PDE4D: variants seen among roughly 807,000 people sequenced by gnomAD.
The protein encoded by PDE4D is phosphodiesterase 4D.
In PDE4D, 24 loss-of-function variants were observed where a neutral mutation model predicts 87.4. The observed-to-expected ratio is 0.27, with a 90% CI of 0.20 to 0.39. The LOEUF is 0.39. Among genes scored for constraint, PDE4D ranks in the 10% least tolerant of loss-of-function variants. The pLI, the probability that PDE4D is intolerant of heterozygous loss-of-function variation, is 1.00. For synonymous variants in PDE4D, 384 were observed against 383.2 expected, an observed-to-expected ratio of 1.00 and a Z score of -0.02; for missense variants, 714 against 1,041.0, an observed-to-expected ratio of 0.69 and a Z score of 4.32.
intron 5 of PDE4D, chr5:59,164,909 ACGG>A (rs1781690907): frequency 6.6e-6 from 1 of 152,108 alleles, no homozygotes; most frequent in Non-Finnish European, 1.5e-5. Context: ...GCCACACGTC[ACGG>A]CGTCTTGTAT....
At chr5:59,371,476 G>A (rs1291945263) in intron 1 of PDE4D, among the ~76,000 whole-genome samples, 2 of 152,090 alleles carry the variant, frequency 1.3e-5, no homozygotes, top group Admixed American at 6.5e-5. Flanking sequence ...TGGCATATAT[G>A]TACTATTTGC....
intron 1 of PDE4D, among the ~76,000 whole-genome samples, chr5:60,368,333 A>G (rs983977840): frequency 1.3e-5 from 2 of 152,188 alleles, no homozygotes; most frequent in African/African-American, 2.4e-5. Flanking sequence ...CTGTGCATGA[A>G]ATGGCTGAAT....
At chr5:59,039,596 A>C in intron 5 of PDE4D, 1 of 823,642 alleles carries the variant, frequency 1.2e-6, no homozygotes, top group Non-Finnish European at 1.5e-6. Context: ...ACTCCCCCTC[A>C]CGCCCCTCTC....
At chr5:59,675,110 G>T (rs991217644) in intron 1 of PDE4D, among the ~76,000 whole-genome samples, 3 of 152,094 alleles carry the variant, frequency 2.0e-5, no homozygotes, top group African/African-American at 7.2e-5. Context: ...TATTCCAAAA[G>T]CATTTTATTT....
At chr5:59,495,491 T>A (rs552943081) in intron 1 of PDE4D, among the ~76,000 whole-genome samples, 3 of 152,242 alleles carry the variant, frequency 2.0e-5, no homozygotes, top group Admixed American at 2.0e-4. Context: ...GGGATCAAGA[T>A]GGCTGAGCAG....
At position 60,216,697 on chromosome 5, in the gene PDE4D, G is replaced by A. The variant is rs76746409; in HGVS notation, c.-89-31010C>T. Among the ~76,000 whole-genome samples the A allele has an allele frequency of 1.6e-4, 25 of 152,102 alleles. No individual in the cohort carries two copies. In the East Asian group the frequency reaches 4.6e-3, roughly 28 times the overall value. Reference sequence around the variant, plus strand: ...AATCAAAAAAACTGCAAGAGACAAAGAAAGACATATTACATATTAGTAACA... The same window carrying A: ...AATCAAAAAAACTGCAAGAGACAAAAAAAGACATATTACATATTAGTAACA... On this transcript the variant is annotated intron_variant, in intron 1 of 16. Transcript: ENST00000502484.
At position 59,310,479 on chromosome 5, in the gene PDE4D, A is replaced by C. The variant is rs570851036; in HGVS notation, c.456-94511T>G. ...CTCTTGAGGTCATTTGTTTGTCTCCATAGGGCATCTGTATGTGGTCCATTA... is the reference window on the plus strand; with the variant it reads ...CTCTTGAGGTCATTTGTTTGTCTCCCTAGGGCATCTGTATGTGGTCCATTA... On this transcript the variant is annotated intron_variant, in intron 1 of 14. Transcript: ENST00000340635. Among the ~76,000 whole-genome samples the C allele has an allele frequency of 2.6e-5, 4 of 152,256 alleles. No homozygotes were observed. In the South Asian group the frequency reaches 8.3e-4, roughly 32 times the overall value.
intron 1 of PDE4D, among the ~76,000 whole-genome samples, chr5:60,384,133 G>C (rs1002821205): frequency 2.0e-5 from 3 of 152,112 alleles, no homozygotes; most frequent in African/African-American, 7.2e-5. Flanking sequence ...AACAGAAATA[G>C]GGACCAACTT....
intron 1 of PDE4D, among the ~76,000 whole-genome samples, chr5:59,337,337 C>CTT (rs1232280356): frequency 1.7e-4 from 22 of 133,030 alleles, no homozygotes; most frequent in African/African-American, 5.0e-4. Flanking sequence ...CCCCCCCCAC[C>CTT]TTTTTTTTTT....
chr5:60,517,527 C>G (rs758229616), intron 1 of PDE4D, among the ~76,000 whole-genome samples: 28 of 152,220 alleles, frequency 1.8e-4, no homozygotes, highest in Non-Finnish European at 3.5e-4. Flanking sequence ...CTCAGCCAGA[C>G]TGGGCAGAGG....
intron 2 of PDE4D, among the ~76,000 whole-genome samples, chr5:60,059,877 C>T (rs1771201997): frequency 6.6e-6 from 1 of 151,952 alleles, no homozygotes; most frequent in Admixed American, 6.6e-5. Context: ...CATCATCTGG[C>T]ATGTTCTGAT....
At chr5:59,055,832 T>G (rs779900958) in intron 5 of PDE4D, among the ~76,000 whole-genome samples, 2 of 152,220 alleles carry the variant, frequency 1.3e-5, no homozygotes, top group Non-Finnish European at 2.9e-5. Context: ...AACTTTAGCT[T>G]GATTCATCAC....
chr5:60,460,227 T>C (rs1746818093), intron 1 of PDE4D: 2 of 1,409,550 alleles, frequency 1.4e-6, no homozygotes, highest in Non-Finnish European at 2.0e-6. Context: ...CAGATTTCCA[T>C]TTCATTTCAG....
At chr5:59,798,587 G>GA (rs773366135) in intron 1 of PDE4D, among the ~76,000 whole-genome samples, 1 of 152,042 alleles carries the variant, frequency 6.6e-6, no homozygotes, top group East Asian at 1.9e-4. Context: ...AGGAATGAAA[G>GA]AAAAAACCCA....
At chr5:59,090,677 C>A (rs1004173896) in intron 5 of PDE4D, among the ~76,000 whole-genome samples, 1 of 151,820 alleles carries the variant, frequency 6.6e-6, no homozygotes, top group Non-Finnish European at 1.5e-5. Flanking sequence ...GGGTAGGAAA[C>A]AGCAACAACA....
chr5:59,096,145 A>G (rs944719467), intron 5 of PDE4D, among the ~76,000 whole-genome samples: 1 of 152,176 alleles, frequency 6.6e-6, no homozygotes, highest in Non-Finnish European at 1.5e-5. Flanking sequence ...GCTGGGGAAG[A>G]TGAGGATGAG....
rs191615612 is a variant in PDE4D at position 59,277,539 on chromosome 5, A to G, written c.456-61571T>C. On this transcript the variant is annotated intron_variant, in intron 1 of 14. Coordinates refer to ENST00000340635, the MANE Select transcript of PDE4D (RefSeq NM_001104631.2). Reference sequence around the variant, plus strand: ...TTCTTATTGGAATTTAAATGTGGGAAAAGAAAGAACAAAAGCAAACCAAGT... The same window carrying G: ...TTCTTATTGGAATTTAAATGTGGGAGAAGAAAGAACAAAAGCAAACCAAGT... 1.8e-3 allele frequency among the ~76,000 whole-genome samples: 275 copies of G among 152,276 alleles called. 1 individual carries two copies. Among genetic ancestry groups the G allele is most frequent in the African/African-American group, 6.3e-3 (262 of 41,558 alleles).
chr5:59,102,081 C>CTTTTT (rs34811771), intron 5 of PDE4D, among the ~76,000 whole-genome samples: 4 of 96,170 alleles, frequency 4.2e-5, no homozygotes, highest in Non-Finnish European at 8.1e-5. Context: ...TTTTTCCCTA[C>CTTTTT]TTTTTTTTTT....
intron 1 of PDE4D, among the ~76,000 whole-genome samples, chr5:59,867,537 TA>T (rs986832628): frequency 2.0e-5 from 3 of 152,262 alleles, no homozygotes; most frequent in Admixed American, 6.5e-5. Flanking sequence ...AAAATCCTTT[TA>T]AAAAATATGT....
Sources: allele counts gnomAD v4.1 joint callset (sites outside exome capture counted in the v4.1 genomes callset), GRCh38; gene constraint gnomAD v4.1.1; transcripts MANE v1.5; gene names NCBI Gene and HGNC (gene_info 2026-07-23, HGNC 2026-07-21).